Variants in RERE observed in about 807,000 individuals in gnomAD.
The protein encoded by RERE is arginine-glutamic acid dipeptide repeats.
RERE carries 40 observed loss-of-function variants against 146.1 expected under a neutral mutation model. The ratio of observed to expected loss-of-function variants is 0.27; its 90% CI spans 0.21 to 0.36. The LOEUF is 0.36. RERE is among the 10% of genes least tolerant of loss of function. The pLI is 1.00. For synonymous variants in RERE, 1,003 were observed against 866.0 expected, an observed-to-expected ratio of 1.16 and a Z score of -2.78; for missense variants, 1,933 against 2,138.7, an observed-to-expected ratio of 0.90 and a Z score of 1.90.
chr1:8,750,754 G>C lies in RERE; in HGVS notation c.-145+66406C>G, dbSNP rs978679451. ...TGAGCCCAGAGGTCTGAAAGGTGTT[G>C]CAGCTTCTTCGCCTTTATCAAATCT... On this transcript the variant is annotated intron_variant, in intron 1 of 22. Coordinates refer to ENST00000400908, the MANE Select transcript of RERE (RefSeq NM_001042681.2). 3 of 785,228 alleles carry C rather than the reference G, an allele frequency of 3.8e-6. No individual in the cohort carries two copies. In the African/African-American group the frequency reaches 5.0e-5, roughly 13 times the overall value. The allele number at this position is 785,228 out of a possible 1,614,324, so 48.6% of individuals were successfully genotyped here. A position where few individuals can be genotyped will look rare whatever the true frequency, so the allele number is the denominator to read the frequency against.
intron 4 of RERE, among the ~76,000 whole-genome samples, chr1:8,577,075 A>G (rs915758588): frequency 1.3e-5 from 2 of 151,986 alleles, no homozygotes; most frequent in Non-Finnish European, 2.9e-5. Flanking sequence ...AGGCTGAGGC[A>G]GGAGAATGGC....
At chr1:8,729,669 C>T (rs1244657454) in intron 1 of RERE, among the ~76,000 whole-genome samples, 2 of 152,160 alleles carry the variant, frequency 1.3e-5, no homozygotes, top group Middle Eastern at 3.2e-3. Context: ...CAACAGCAAA[C>T]ATCTCCAGCC....
intron 1 of RERE, among the ~76,000 whole-genome samples, chr1:8,754,700 T>A (rs948917769): frequency 2.6e-5 from 4 of 152,244 alleles, no homozygotes; most frequent in Non-Finnish European, 5.9e-5. Flanking sequence ...AAAGTGAAGG[T>A]GCGTTCATTT....
chr1:8,466,036 C>T lies in RERE; in HGVS notation c.1105-13G>A, dbSNP rs369601438. 3.8e-6 allele frequency: 6 copies of T among 1,597,836 alleles called. No individual in the cohort carries two copies. The African/African-American group carries it at 5.4e-5, about 14-fold the overall frequency. ...CGCTTTCATGCAGCTAAAACAACAA[C>T]AATTATAGTTAGCTAACTGCACCAA... On this transcript the variant is annotated splice_polypyrimidine_tract_variant and intron_variant, in intron 10 of 22. Transcript: ENST00000400908.
At chr1:8,480,128 G>GTTT (rs112068785) in intron 10 of RERE, among the ~76,000 whole-genome samples, 7 of 135,214 alleles carry the variant, frequency 5.2e-5, no homozygotes, top group Non-Finnish European at 7.8e-5. Flanking sequence ...GCCTTTTTTT[G>GTTT]TTTTTTTTTT....
At chr1:8,554,778 T>C (rs766177536) in intron 6 of RERE, among the ~76,000 whole-genome samples, 1 of 150,586 alleles carries the variant, frequency 6.6e-6, no homozygotes, top group Non-Finnish European at 1.5e-5. Context: ...CAGGTAACAA[T>C]ATTCCAGGAT....
At chr1:8,525,490 C>A (rs543239551) in intron 7 of RERE, among the ~76,000 whole-genome samples, 2 of 152,202 alleles carry the variant, frequency 1.3e-5, no homozygotes, top group Admixed American at 1.3e-4. Context: ...GATTATACTA[C>A]GAGCCGAAGA....
chr1:8,625,041 G>C (rs1368111239), intron 2 of RERE, among the ~76,000 whole-genome samples: 1 of 152,196 alleles, frequency 6.6e-6, no homozygotes, highest in African/African-American at 2.4e-5. Context: ...GGGAAGAAGG[G>C]TGCTTTCTTA....
chr1:8,699,326 TCAGA>T lies in RERE; in HGVS notation c.-144-42889_-144-42886del, dbSNP rs752945964. Among the ~76,000 whole-genome samples the T allele has an allele frequency of 2.8e-4, 42 of 152,236 alleles. 1 individual carries two copies. Among genetic ancestry groups the T allele is most frequent in the Admixed American group, 5.2e-4 (8 of 15,304 alleles). On this transcript the variant is annotated intron_variant, in intron 1 of 22. Transcript: ENST00000400908. ...GGTAAACTAAGAATAGAACTCAAAC[TCAGA>T]CAGCCTAACTATTTACCACTACGCT...
chr1:8,464,125 T>G (rs1430895993), intron 11 of RERE, among the ~76,000 whole-genome samples: 1 of 152,248 alleles, frequency 6.6e-6, no homozygotes, highest in East Asian at 1.9e-4. Flanking sequence ...TTCTTTCTCT[T>G]TAATAATAAC....
intron 10 of RERE, among the ~76,000 whole-genome samples, chr1:8,475,538 C>T (rs984496288): frequency 4.0e-5 from 6 of 151,618 alleles, no homozygotes; most frequent in Admixed American, 1.3e-4. Context: ...AAAAATTAGC[C>T]GGGCATGGTA....
intron 1 of RERE, among the ~76,000 whole-genome samples, chr1:8,661,297 G>C (rs559448076): frequency 2.0e-5 from 3 of 152,192 alleles, no homozygotes; most frequent in African/African-American, 7.2e-5. Flanking sequence ...AGCACAAAAA[G>C]GGGGAGAGAG....
At chr1:8,366,830 A>G (rs1475478968) in intron 12 of RERE, among the ~76,000 whole-genome samples, 1 of 151,286 alleles carries the variant, frequency 6.6e-6, no homozygotes, top group Non-Finnish European at 1.5e-5. Context: ...AGGGCGCTGC[A>G]GGCTGCCATC....
Position 8,695,124 on chromosome 1 carries a change from T to C in RERE, c.-144-38683A>G, listed in dbSNP as rs980799397. ...GAACCTACAAATAAAGTCATAAACC[T>C]ACAGCCATCTGATCTTTGACAATGC... is the stretch of plus-strand genomic sequence containing the variant. On this transcript the variant is annotated intron_variant, in intron 1 of 22. Transcript: ENST00000400908. Among the ~76,000 whole-genome samples the C allele has an allele frequency of 5.9e-5, 9 of 152,028 alleles. No individual in the cohort carries two copies. In the South Asian group the frequency reaches 1.0e-3, roughly 18 times the overall value.
chr1:8,731,518 C>A (rs191395782), intron 1 of RERE, among the ~76,000 whole-genome samples: 1 of 152,002 alleles, frequency 6.6e-6, no homozygotes, highest in Admixed American at 6.6e-5. Context: ...CACTAAAAAA[C>A]TGAGATTTAA....
At chr1:8,431,474 G>A (rs1281412992) in intron 11 of RERE, among the ~76,000 whole-genome samples, 1 of 152,132 alleles carries the variant, frequency 6.6e-6, no homozygotes, top group African/African-American at 2.4e-5. Context: ...ATAGGGAGTT[G>A]TATAATTAAT....
intron 1 of RERE, among the ~76,000 whole-genome samples, chr1:8,751,997 T>C (rs1172775307): frequency 6.6e-6 from 1 of 151,796 alleles, no homozygotes. Flanking sequence ...TAGTTAAAAC[T>C]TAACACAGCT....
At chr1:8,659,855 C>A (rs945643978) in intron 1 of RERE, among the ~76,000 whole-genome samples, 1 of 152,164 alleles carries the variant, frequency 6.6e-6, no homozygotes, top group Non-Finnish European at 1.5e-5. Flanking sequence ...CTACTCACTA[C>A]AAAATCATAC....
At chr1:8,504,400 T>C (rs1645221304) in intron 8 of RERE, among the ~76,000 whole-genome samples, 1 of 152,158 alleles carries the variant, frequency 6.6e-6, no homozygotes, top group South Asian at 2.1e-4. Context: ...TAATCATCAA[T>C]AAGAACTGAT....
Sources: gnomAD v4.1 joint callset for allele counts (sites outside exome capture counted in the v4.1 genomes callset) on GRCh38, gnomAD v4.1.1 for gene constraint, MANE v1.5 for transcripts, NCBI Gene and HGNC (gene_info 2026-07-23, HGNC 2026-07-21) for gene names.